TBPL2: variants seen among roughly 807,000 people sequenced by gnomAD.
TBPL2 encodes TATA-box binding protein like 2.
A neutral mutation model predicts 38.2 loss-of-function variants in TBPL2; 40 were observed. The observed-to-expected ratio is 1.05, with a 90% CI of 0.81 to 1.36. The LOEUF (loss-of-function observed/expected upper bound fraction) is 1.36, where lower values mean the gene tolerates loss of function less well. Among genes scored for constraint, TBPL2 ranks in the 40% most tolerant of loss-of-function variants. The probability of loss-of-function intolerance (pLI) is 0.00; values close to 1 mark genes in which losing one functional copy is unlikely to be tolerated. For synonymous variants in TBPL2, 169 were observed against 171.7 expected, an observed-to-expected ratio of 0.98 and a Z score of 0.12; for missense variants, 461 against 456.7, an observed-to-expected ratio of 1.01 and a Z score of -0.09.
In TBPL2 at chr14:55,432,423, A is replaced by C. The variant is rs563895380; in HGVS notation, c.788+1207T>G. Among the ~76,000 whole-genome samples, 388 of 151,968 alleles carry C rather than the reference A, an allele frequency of 2.6e-3. 2 individuals carry two copies. The highest frequency in any genetic ancestry group is 2.2e-3 in the African/African-American group (92 of 41,446). ...GTGAGACCGTGTCTCAGAAAAAAAA[A>C]AACAACAAATAAACAAACAACAAAA... is the stretch of plus-strand genomic sequence containing the variant. On this transcript the variant is annotated intron_variant, in intron 4 of 6. Coordinates refer to ENST00000247219, the Ensembl canonical transcript of TBPL2.
chr14:55,427,780 C>G (rs1263272866), intron 5 of TBPL2, among the ~76,000 whole-genome samples: 1 of 151,832 alleles, frequency 6.6e-6, no homozygotes, highest in East Asian at 1.9e-4. Context: ...GAGATATTCC[C>G]TAGGAAAAGG....
rs529035139 is a variant in TBPL2 at position 55,431,682 on chromosome 14, T to C, written c.788+1948A>G. ...GAAGAACTTAATATGTAAAAACAGA[T>C]TGGGGGAAATGTAGTAACAATGGAT... On this transcript the variant is annotated intron_variant, in intron 4 of 6. Transcript: ENST00000247219. Among the ~76,000 whole-genome samples the C allele has an allele frequency of 2.0e-4, 30 of 152,272 alleles. No homozygotes were observed. In the East Asian group the frequency reaches 5.6e-3, roughly 28 times the overall value.
chr14:55,414,231 C>T (rs566215278), exon 7 of TBPL2: 2 of 612,230 alleles, frequency 3.3e-6, no homozygotes, highest in South Asian at 2.2e-5. Context: ...AATTTTTCTT[C>T]GTTTCTTAGG....
At chr14:55,420,221 C>A (rs1181150616) in intron 6 of TBPL2, among the ~76,000 whole-genome samples, 1 of 152,234 alleles carries the variant, frequency 6.6e-6, no homozygotes, top group Non-Finnish European at 1.5e-5. Flanking sequence ...CAGGCACGCA[C>A]CACAATGCCC....
At chr14:55,428,723 C>G in intron 5 of TBPL2, 84 bp downstream of exon 5, 2 of 1,370,638 alleles carry the variant, frequency 1.5e-6, no homozygotes, top group Non-Finnish European at 2.0e-6. Context: ...CACAATTTCT[C>G]TGAAAGATAC....
intron 1 of TBPL2, chr14:55,438,867 T>G (rs968693711): frequency 1.4e-4 from 20 of 145,294 alleles, no homozygotes; most frequent in African/African-American, 5.1e-4. Context: ...CATTTCTACC[T>G]CAGTGCTGAT....
chr14:55,422,796 T>C (rs1326895905), intron 6 of TBPL2, among the ~76,000 whole-genome samples: 2 of 152,060 alleles, frequency 1.3e-5, no homozygotes, highest in African/African-American at 4.8e-5. Flanking sequence ...GAGGTTGCAG[T>C]GAGCTGAGAT....
intron 1 of TBPL2, among the ~76,000 whole-genome samples, chr14:55,439,420 CCT>C (rs1037340109): frequency 1.3e-5 from 2 of 152,038 alleles, no homozygotes; most frequent in African/African-American, 2.4e-5. Flanking sequence ...CTCTGTTTCC[CCT>C]GTCAAAGCAG....
chr14:55,418,787 C>T (rs1299950121), intron 6 of TBPL2, among the ~76,000 whole-genome samples: 1 of 152,206 alleles, frequency 6.6e-6, no homozygotes, highest in Non-Finnish European at 1.5e-5. Flanking sequence ...CAAGGCATCA[C>T]AGCAAAATTC....
chr14:55,415,139 C>A (rs1226659245), intron 6 of TBPL2, among the ~76,000 whole-genome samples: 1 of 152,202 alleles, frequency 6.6e-6, no homozygotes, highest in Non-Finnish European at 1.5e-5. Context: ...CCAAATTATG[C>A]AGGCACGTTG....
intron 1 of TBPL2, among the ~76,000 whole-genome samples, chr14:55,439,415 T>C (rs1293966193): frequency 1.3e-5 from 2 of 151,972 alleles, no homozygotes; most frequent in Non-Finnish European, 2.9e-5. Context: ...GGGCTCTCTG[T>C]TTCCCCTGTC....
At chr14:55,429,558 G>C (rs1342281817) in intron 4 of TBPL2, among the ~76,000 whole-genome samples, 1 of 152,152 alleles carries the variant, frequency 6.6e-6, no homozygotes, top group Non-Finnish European at 1.5e-5. Context: ...GAGGACAGTA[G>C]CTCGAGACCG....
intron 2 of TBPL2, 61 bp from the exon 3 acceptor site, chr14:55,435,995 AC>A: frequency 9.3e-7 from 1 of 1,070,754 alleles, no homozygotes; most frequent in Non-Finnish European, 1.3e-6. Flanking sequence ...AAAAAAAAAG[AC>A]AACTTATTTT....
At chr14:55,433,334 A>C (rs1189359228) in intron 4 of TBPL2, among the ~76,000 whole-genome samples, 2 of 119,050 alleles carry the variant, frequency 1.7e-5, no homozygotes, top group Admixed American at 7.9e-5. Context: ...TTTTTTTTTA[A>C]CAGAGATGGA....
At chr14:55,433,822 G>A in intron 3 of TBPL2, 101 bp from the exon 4 acceptor site, 3 of 992,614 alleles carry the variant, frequency 3.0e-6, no homozygotes, top group Non-Finnish European at 4.5e-6. Flanking sequence ...CAGATTGGAT[G>A]GGAAAACTAA....
rs377091968 is a variant in TBPL2, at chr14:55,424,256, G to C, written c.957-3C>G. The C allele has an allele frequency of 1.2e-6, 2 of 1,600,082 alleles. No individual in the cohort carries two copies. The highest frequency in any genetic ancestry group is 2.7e-5 in the African/African-American group (2 of 74,626). ...CAGGAAACAGTTCAGGCTCGTAACTGTTAAGATGTAAAAGGAAAATGTTAA... is the reference window on the plus strand; with the variant it reads ...CAGGAAACAGTTCAGGCTCGTAACTCTTAAGATGTAAAAGGAAAATGTTAA... On this transcript the variant is annotated splice_region_variant and splice_polypyrimidine_tract_variant and intron_variant, in intron 5 of 6. Coordinates refer to ENST00000247219, the Ensembl canonical transcript of TBPL2.
rs567342581 is a variant in TBPL2, at chr14:55,428,119, C to CTTTTTTTTTTTTTTTTTTTT, written c.956+668_956+687dup. Among the ~76,000 whole-genome samples the CTTTTTTTTTTTTTTTTTTTT allele has an allele frequency of 1.2e-4, 5 of 43,360 alleles. 2 individuals are homozygous for CTTTTTTTTTTTTTTTTTTTT. The highest frequency in any genetic ancestry group is 1.9e-4 in the Non-Finnish European group (5 of 26,282). 28.4% of individuals were successfully genotyped at this position (43,360 alleles called of 152,430 possible). On this transcript the variant is annotated intron_variant, in intron 5 of 6. Transcript: ENST00000247219. ...GCCTAGTCCATTTCACATGCCTTAT[C>CTTTTTTTTTTTTTTTTTTTT]TTTTTTTTTTTTTTTTTTTTTTTTT...
At chr14:55,417,706 C>A (rs1455397771) in intron 6 of TBPL2, among the ~76,000 whole-genome samples, 2 of 152,204 alleles carry the variant, frequency 1.3e-5, no homozygotes, top group Non-Finnish European at 2.9e-5. Context: ...AAGTGATCTG[C>A]CCACCTTGGC....
chr14:55,428,696 G>GT, intron 5 of TBPL2, 111 bp downstream of exon 5: 1 of 1,146,234 alleles, frequency 8.7e-7, no homozygotes, highest in Non-Finnish European at 1.2e-6. Context: ...TGTGTCCCCC[G>GT]CCTTTTTTTT....
Sources: allele counts gnomAD v4.1 joint callset (sites outside exome capture counted in the v4.1 genomes callset), GRCh38; gene constraint gnomAD v4.1.1; transcripts MANE v1.5; gene names NCBI Gene and HGNC (gene_info 2026-07-23, HGNC 2026-07-21).